The following BACH2 variants were observed in gnomAD, a reference collection of about 807,000 sequenced individuals.
BACH2 encodes BACH transcriptional regulator 2.
In BACH2, 5 loss-of-function variants were observed where a neutral mutation model predicts 61.8. The ratio of observed to expected loss-of-function variants is 0.08; its 90% CI spans 0.04 to 0.17. The LOEUF is 0.17. BACH2 is among the 10% of genes least tolerant of loss of function. BACH2 has a pLI of 1.00. For missense variants in BACH2, 824 were observed against 1,091.1 expected (o/e 0.76, Z 3.45); for synonymous variants, 446 against 440.1 (o/e 1.01, Z -0.17).
chr6:89,985,823 C>T (rs1032452686), intron 6 of BACH2, among the ~76,000 whole-genome samples: 2 of 152,158 alleles, frequency 1.3e-5, no homozygotes, highest in African/African-American at 2.4e-5. Context: ...TGGTTGTGGA[C>T]GAGCAGGCAG....
intron 5 of BACH2, among the ~76,000 whole-genome samples, chr6:90,045,838 C>T (rs746333225): frequency 6.6e-6 from 1 of 152,116 alleles, no homozygotes; most frequent in Admixed American, 6.6e-5. Context: ...TTGTCTGCCA[C>T]TTATTTTGCT....
chr6:90,296,185 C>T (rs1015595518), intron 1 of BACH2, among the ~76,000 whole-genome samples: 4 of 151,976 alleles, frequency 2.6e-5, no homozygotes, highest in Admixed American at 1.3e-4. Flanking sequence ...TCCAAAACAC[C>T]CTTCGACGCC....
intron 6 of BACH2, among the ~76,000 whole-genome samples, chr6:89,981,192 C>T (rs112793830): frequency 6.7e-5 from 10 of 150,236 alleles, no homozygotes; most frequent in Non-Finnish European, 1.0e-4. Flanking sequence ...AGTGCAGTGG[C>T]GTGATCTCGG....
At chr6:89,957,380 A>G (rs1272184109) in intron 6 of BACH2, among the ~76,000 whole-genome samples, 1 of 152,192 alleles carries the variant, frequency 6.6e-6, no homozygotes, top group Non-Finnish European at 1.5e-5. Context: ...GCTTCTGGTT[A>G]TTTTAGTATT....
At chr6:90,019,686 T>G (rs1361175788) in intron 5 of BACH2, among the ~76,000 whole-genome samples, 1 of 152,212 alleles carries the variant, frequency 6.6e-6, no homozygotes, top group Admixed American at 6.5e-5. Context: ...TTGCATGGCT[T>G]AACAAAACTG....
intron 5 of BACH2, among the ~76,000 whole-genome samples, chr6:90,039,532 G>A (rs1378424546): frequency 6.6e-6 from 1 of 152,086 alleles, no homozygotes; most frequent in Non-Finnish European, 1.5e-5. Flanking sequence ...CCACAGGTGC[G>A]TGCTACCACG....
At chr6:90,030,482 G>A (rs1443295676) in intron 5 of BACH2, among the ~76,000 whole-genome samples, 1 of 152,078 alleles carries the variant, frequency 6.6e-6, no homozygotes, top group Non-Finnish European at 1.5e-5. Flanking sequence ...AGAAAAGAGA[G>A]AAGAATCAAA....
chr6:90,223,031 T>C (rs1368851058), intron 3 of BACH2, among the ~76,000 whole-genome samples: 1 of 152,206 alleles, frequency 6.6e-6, no homozygotes, highest in East Asian at 1.9e-4. Context: ...GACACAGCAG[T>C]AGGGACTAGC....
In BACH2 at chr6:89,968,907, G is replaced by A. The variant is rs538655071; in HGVS notation, c.244-17045C>T. ...ATGCCTGTAGTCCCAGCTACTTGGG[G>A]GGCTGAGGCAGGAAGACTGCTTGAA... On this transcript the variant is annotated intron_variant, in intron 6 of 8. Coordinates refer to ENST00000257749, the MANE Select transcript of BACH2 (RefSeq NM_021813.4). Among the ~76,000 whole-genome samples, 456 of 152,084 alleles carry A rather than the reference G, an allele frequency of 3.0e-3. 2 individuals carry two copies. Among genetic ancestry groups the A allele is most frequent in the African/African-American group, 9.2e-3 (382 of 41,484 alleles).
In BACH2 at chr6:89,938,339, A is replaced by G. The variant is rs755960934; in HGVS notation, c.1848T>C (p.Pro616=). ...VQDRGQEVKL[P]FPVDQITDLP... is the part of the protein sequence containing the mutation. ...GATCTGTGATTTGATCTACAGGAAA[A>G]GGAAGTTTTACCTGAAACCAAGAAT... The change falls in exon 8 of 9, where the codon CCT becomes CCC. Residue 616 remains proline, a synonymous_variant. Coordinates refer to ENST00000257749, the MANE Select transcript of BACH2 (RefSeq NM_021813.4). The G allele has an allele frequency of 1.2e-6, 2 of 1,613,364 alleles. No individual in the cohort carries two copies.
At chr6:90,290,707 A>T (rs999699411) in intron 1 of BACH2, among the ~76,000 whole-genome samples, 1 of 152,240 alleles carries the variant, frequency 6.6e-6, no homozygotes, top group Non-Finnish European at 1.5e-5. Context: ...TCCGAAGTGA[A>T]GGTCTAAGCT....
intron 6 of BACH2, among the ~76,000 whole-genome samples, chr6:89,957,885 C>T (rs1774512803): frequency 6.6e-6 from 1 of 152,014 alleles, no homozygotes; most frequent in Non-Finnish European, 1.5e-5. Flanking sequence ...TGTTCTATTC[C>T]TAAGGTAATA....
intron 4 of BACH2, among the ~76,000 whole-genome samples, chr6:90,121,390 G>T (rs1783617647): frequency 6.6e-6 from 1 of 151,798 alleles, no homozygotes; most frequent in Admixed American, 6.6e-5. Context: ...GGTAGATAGG[G>T]TTCCTTCTTG....
chr6:90,059,003 C>A (rs1023743323), intron 5 of BACH2, among the ~76,000 whole-genome samples: 5 of 152,208 alleles, frequency 3.3e-5, no homozygotes, highest in Admixed American at 1.3e-4. Flanking sequence ...AAATGTTAGA[C>A]CTAAAACCAT....
chr6:90,078,743 C>T (rs2127804066), intron 5 of BACH2, among the ~76,000 whole-genome samples: 1 of 152,218 alleles, frequency 6.6e-6, no homozygotes, highest in Admixed American at 6.5e-5. Flanking sequence ...TTCCCATTTT[C>T]AAATAAAGAC....
chr6:90,209,863 C>G (rs1769282891), intron 3 of BACH2, among the ~76,000 whole-genome samples: 1 of 152,166 alleles, frequency 6.6e-6, no homozygotes, highest in African/African-American at 2.4e-5. Flanking sequence ...ATCAGACACA[C>G]AGAACGTTTT....
Position 89,950,218 on chromosome 6 carries a change from A to T in BACH2, c.1836+52T>A, listed in dbSNP as rs569825406. On this transcript the variant is annotated intron_variant, in intron 7 of 8. Coordinates refer to ENST00000257749, the MANE Select transcript of BACH2 (RefSeq NM_021813.4). The surrounding 1 kb of genome is among the most constrained non-coding windows in gnomAD (Gnocchi z 5.3). ...TGGTGGGGGGCAGGGAGTAGTCCAGATAAAGGGCCTAGAGAGTGGGTCACA... is the reference window on the plus strand; with the variant it reads ...TGGTGGGGGGCAGGGAGTAGTCCAGTTAAAGGGCCTAGAGAGTGGGTCACA... 1.7e-5 allele frequency: 27 copies of T among 1,604,422 alleles called. No individual in the cohort carries two copies. In the Admixed American group the frequency reaches 3.5e-4, roughly 21 times the overall value.
intron 2 of BACH2, among the ~76,000 whole-genome samples, chr6:90,267,125 C>T (rs1040442122): frequency 6.6e-6 from 1 of 151,928 alleles, no homozygotes; most frequent in Non-Finnish European, 1.5e-5. Context: ...CACCAAAAAA[C>T]CCTCAACACT....
chr6:90,152,550 A>G (rs1463068371), intron 4 of BACH2, among the ~76,000 whole-genome samples: 1 of 152,248 alleles, frequency 6.6e-6, no homozygotes, highest in Non-Finnish European at 1.5e-5. Flanking sequence ...AGGCTATTGT[A>G]CATTCACATT....
Sources: gnomAD v4.1 joint callset for allele counts (sites outside exome capture counted in the v4.1 genomes callset) on GRCh38, gnomAD v4.1.1 for gene constraint, Gnocchi (gnomAD v3.1) non-coding constraint, MANE v1.5 for transcripts, NCBI Gene and HGNC (gene_info 2026-07-23, HGNC 2026-07-21) for gene names.